XPR1: variants seen among roughly 807,000 people sequenced by gnomAD.
The protein encoded by XPR1 is xenotropic and polytropic retrovirus receptor 1.
A neutral mutation model predicts 87.5 loss-of-function variants in XPR1; 28 were observed. The ratio of observed to expected loss-of-function variants is 0.32; its 90% CI spans 0.24 to 0.44. The LOEUF is 0.44. Ranked by LOEUF, XPR1 falls within the 20% of genes least tolerant of loss-of-function variation. XPR1 has a pLI of 1.00. For missense variants in XPR1, 559 were observed against 862.3 expected, an observed-to-expected ratio of 0.65 and a Z score of 4.41; for synonymous variants, 300 against 306.1, an observed-to-expected ratio of 0.98 and a Z score of 0.21.
chr1:180,699,629 G>A (rs1300568432), intron 2 of XPR1, among the ~76,000 whole-genome samples: 86 of 115,606 alleles, frequency 7.4e-4, no homozygotes, highest in Non-Finnish European at 1.4e-3. Flanking sequence ...GGACATTTGG[G>A]TTGGTTCCAA....
intron 12 of XPR1, among the ~76,000 whole-genome samples, chr1:180,866,180 C>G (rs1023401605): frequency 6.6e-6 from 1 of 152,024 alleles, no homozygotes; most frequent in Non-Finnish European, 1.5e-5. Flanking sequence ...CCACTGTACT[C>G]CAGCCTGGGC....
intron 2 of XPR1, among the ~76,000 whole-genome samples, chr1:180,740,305 G>C (rs926430801): frequency 6.6e-6 from 1 of 152,012 alleles, no homozygotes; most frequent in Non-Finnish European, 1.5e-5. Flanking sequence ...CCCCTCTGCC[G>C]TAGATGCCTT....
intron 2 of XPR1, among the ~76,000 whole-genome samples, chr1:180,724,621 CA>C (rs1018423388): frequency 7.2e-5 from 11 of 151,878 alleles, no homozygotes; most frequent in Admixed American, 5.2e-4. Flanking sequence ...AATTAAACAA[CA>C]AATTCATTTT....
intron 7 of XPR1, among the ~76,000 whole-genome samples, chr1:180,812,745 T>G (rs1399842379): frequency 6.6e-6 from 1 of 150,602 alleles, no homozygotes; most frequent in Non-Finnish European, 1.5e-5. Context: ...GCCTCCTGGG[T>G]TCACACGATT....
At chr1:180,707,945 A>G (rs910763162) in intron 2 of XPR1, among the ~76,000 whole-genome samples, 3 of 152,182 alleles carry the variant, frequency 2.0e-5, no homozygotes, top group African/African-American at 4.8e-5. Context: ...TGGCAGTAGT[A>G]TTTCTAATTA....
intron 2 of XPR1, among the ~76,000 whole-genome samples, chr1:180,735,501 CTG>C (rs1658698795): frequency 1.3e-5 from 2 of 152,260 alleles, no homozygotes; most frequent in African/African-American, 2.4e-5. Flanking sequence ...GTGAATAATA[CTG>C]TGTCACACCA....
At chr1:180,815,430 T>C (rs1057342665) in intron 7 of XPR1, among the ~76,000 whole-genome samples, 9 of 152,206 alleles carry the variant, frequency 5.9e-5, no homozygotes, top group African/African-American at 2.2e-4. Context: ...CTGTCTATCC[T>C]TATTTATCTT....
chr1:180,646,500 C>T (rs560022629), intron 1 of XPR1, among the ~76,000 whole-genome samples: 1 of 151,808 alleles, frequency 6.6e-6, no homozygotes, highest in Admixed American at 6.6e-5. Flanking sequence ...GATAGCTGGT[C>T]GCCACATATA....
chr1:180,835,372 G>T (rs1423845989), intron 10 of XPR1, among the ~76,000 whole-genome samples: 1 of 152,122 alleles, frequency 6.6e-6, no homozygotes, highest in Non-Finnish European at 1.5e-5. Context: ...GCTGTATAAT[G>T]TAACATATAT....
intron 2 of XPR1, among the ~76,000 whole-genome samples, chr1:180,695,160 T>C (rs1186081894): frequency 6.6e-6 from 1 of 152,200 alleles, no homozygotes. Context: ...ATTGAGCACT[T>C]TTTTCATATA....
intron 14 of XPR1, among the ~76,000 whole-genome samples, chr1:180,881,882 A>G (rs1652861978): frequency 6.6e-6 from 1 of 152,150 alleles, no homozygotes; most frequent in South Asian, 2.1e-4. Context: ...AAAATAAACA[A>G]AAGAGGTAGG....
chr1:180,632,479 G>C (rs1024491299), intron 1 of XPR1, among the ~76,000 whole-genome samples: 4 of 152,168 alleles, frequency 2.6e-5, no homozygotes, highest in African/African-American at 7.2e-5. Flanking sequence ...CGCTGCCGCC[G>C]GGGTAACGGA....
chr1:180,651,963 G>A (rs763867352), intron 1 of XPR1, among the ~76,000 whole-genome samples: 10 of 152,180 alleles, frequency 6.6e-5, no homozygotes, highest in Middle Eastern at 3.2e-3. Flanking sequence ...TTACAAACAT[G>A]TTTTGAACTG....
At chr1:180,882,360 G>C (rs192455588) in intron 14 of XPR1, among the ~76,000 whole-genome samples, 1 of 152,112 alleles carries the variant, frequency 6.6e-6, no homozygotes, top group African/African-American at 2.4e-5. Context: ...TTTTTTGTTT[G>C]TTTGTTTTTT....
intron 14 of XPR1, among the ~76,000 whole-genome samples, chr1:180,880,986 A>G (rs1169819772): frequency 6.6e-6 from 1 of 152,206 alleles, no homozygotes; most frequent in Admixed American, 6.5e-5. Context: ...ACGGTTTTCT[A>G]AAGGATAAGG....
chr1:180,720,302 G>A (rs1571764127), intron 2 of XPR1, among the ~76,000 whole-genome samples: 1 of 152,114 alleles, frequency 6.6e-6, no homozygotes, highest in Admixed American at 6.6e-5. Context: ...ATTGACAAAG[G>A]GTAGAATTTC....
At chr1:180,794,368 C>G (rs762483176) in intron 3 of XPR1, among the ~76,000 whole-genome samples, 1 of 152,120 alleles carries the variant, frequency 6.6e-6, no homozygotes, top group Non-Finnish European at 1.5e-5. Flanking sequence ...TTGACCAGAA[C>G]GTTGTTCTGT....
rs1242109533 is a variant in XPR1, at chr1:180,828,786, C to A, written c.1134+3442C>A. On this transcript the variant is annotated intron_variant, in intron 9 of 14. Coordinates refer to ENST00000367590, the MANE Select transcript of XPR1 (RefSeq NM_004736.4). ...GAAGTGATGAAGATGAGTTATGAAC[C>A]CAGGCAGTCGTTTATAATCTGTACT... 2.6e-5 allele frequency among the ~76,000 whole-genome samples: 4 copies of A among 152,058 alleles called. No homozygotes were observed. In the East Asian group the frequency reaches 7.7e-4, roughly 29 times the overall value.
At chr1:180,878,376 C>T (rs1398721345) in intron 13 of XPR1, 2 of 152,208 alleles carry the variant, frequency 1.3e-5, no homozygotes, top group African/African-American at 4.8e-5. Context: ...GGCGTCTGCA[C>T]TTGCTGTCTC....
Sources: gnomAD v4.1 joint callset for allele counts (sites outside exome capture counted in the v4.1 genomes callset) on GRCh38, gnomAD v4.1.1 for gene constraint, MANE v1.5 for transcripts, NCBI Gene and HGNC (gene_info 2026-07-23, HGNC 2026-07-21) for gene names.